The following ARFIP1 variants were observed in gnomAD, a reference collection of about 807,000 sequenced individuals.
The protein encoded by ARFIP1 is ARF interacting protein 1.
ARFIP1 carries 24 observed loss-of-function variants against 42.5 expected under a neutral mutation model. The observed-to-expected ratio is 0.57, with a 90% CI of 0.41 to 0.80. ARFIP1 has a LOEUF of 0.80. ARFIP1 is among the 30% of genes least tolerant of loss of function. The pLI is 0.00. For synonymous variants in ARFIP1, 141 were observed against 153.7 expected (o/e 0.92, Z 0.61); for missense variants, 354 against 434.0 (o/e 0.82, Z 1.64).
chr4:152,896,995 A>G (rs2149905582), intron 8 of ARFIP1, among the ~76,000 whole-genome samples: 1 of 152,350 alleles, frequency 6.6e-6, no homozygotes, highest in African/African-American at 2.4e-5. Flanking sequence ...TTTCATTTAC[A>G]GAAGAAAATA....
At chr4:152,851,202 A>G (rs886066156) in intron 2 of ARFIP1, among the ~76,000 whole-genome samples, 1 of 152,242 alleles carries the variant, frequency 6.6e-6, no homozygotes, top group Non-Finnish European at 1.5e-5. Flanking sequence ...TGATCTTAGC[A>G]TATGGTCTTC....
At chr4:152,870,676 C>T in intron 3 of ARFIP1, 77 bp from the exon 4 acceptor site, 1 of 951,186 alleles carries the variant, frequency 1.1e-6, no homozygotes, top group Non-Finnish European at 1.7e-6. Context: ...AAGGAAATAT[C>T]AGTAACCCTA....
chr4:152,892,379 T>A (rs75916311), intron 8 of ARFIP1, among the ~76,000 whole-genome samples: 5,592 of 152,300 alleles, frequency 0.037, 152 homozygotes, highest in South Asian at 0.079. Context: ...TTTTGGAATA[T>A]CTTTTCATAA....
At chr4:152,804,312 A>T (rs1259677131) in intron 1 of ARFIP1, among the ~76,000 whole-genome samples, 7 of 77,962 alleles carry the variant, frequency 9.0e-5, no homozygotes, top group Non-Finnish European at 1.6e-4. Context: ...ATATATATAT[A>T]ACATAACATG....
rs549431664 is a variant in ARFIP1, at chr4:152,861,941, G to A, written c.94-1665G>A. ...TTTAGCTGTTGAATACTTGAGATACGGTGGTATCTTATGATTAATCTTGCC... is the reference window on the plus strand; with the variant it reads ...TTTAGCTGTTGAATACTTGAGATACAGTGGTATCTTATGATTAATCTTGCC... On this transcript the variant is annotated intron_variant, in intron 2 of 8. Transcript: ENST00000353617. Among the ~76,000 whole-genome samples the A allele has an allele frequency of 1.4e-4, 22 of 152,128 alleles. No homozygotes were observed. In the East Asian group the frequency reaches 3.5e-3, roughly 24 times the overall value.
intron 3 of ARFIP1, among the ~76,000 whole-genome samples, chr4:152,866,146 A>T (rs565888297): frequency 6.6e-6 from 1 of 152,150 alleles, no homozygotes; most frequent in South Asian, 2.1e-4. Context: ...TTTAACCCTG[A>T]GTGGACACAG....
At chr4:152,825,619 A>G (rs909174433) in intron 1 of ARFIP1, among the ~76,000 whole-genome samples, 3 of 152,256 alleles carry the variant, frequency 2.0e-5, no homozygotes, top group Admixed American at 1.3e-4. Context: ...TCTTCTGGAC[A>G]TTGGCCTAGG....
chr4:152,832,944 TAGA>T (rs1468373187), intron 2 of ARFIP1, among the ~76,000 whole-genome samples: 1 of 152,182 alleles, frequency 6.6e-6, no homozygotes, highest in African/African-American at 2.4e-5. Flanking sequence ...ATAAAACTTC[TAGA>T]AGAAAACATA....
At chr4:152,880,860 C>G (rs896409428) in intron 5 of ARFIP1, 103 bp from the exon 6 acceptor site, 11 of 863,242 alleles carry the variant, frequency 1.3e-5, no homozygotes, top group Admixed American at 2.4e-5. Flanking sequence ...CAGTTTGTTA[C>G]GCTAGCTTGT....
chr4:152,804,046 T>A lies in ARFIP1; in HGVS notation c.-10+23820T>A, dbSNP rs1452537797. Among the ~76,000 whole-genome samples, 2 of 128,718 alleles carry A rather than the reference T, an allele frequency of 1.6e-5. 1 individual carries two copies. Among genetic ancestry groups the A allele is most frequent in the Non-Finnish European group, 3.1e-5 (2 of 63,790 alleles). 84.4% of individuals were successfully genotyped at this position (128,718 alleles called of 152,430 possible). A position where few individuals can be genotyped will look rare whatever the true frequency, so the allele number is the denominator to read the frequency against. ...TATATAATATAACGTAATATATATA[T>A]TATATATAATATAACATGTAATATA... On this transcript the variant is annotated intron_variant, in intron 1 of 8. Coordinates refer to ENST00000353617, the MANE Select transcript of ARFIP1 (RefSeq NM_001025595.3).
intron 2 of ARFIP1, among the ~76,000 whole-genome samples, chr4:152,834,859 A>G (rs1578896432): frequency 6.6e-6 from 1 of 152,198 alleles, no homozygotes; most frequent in African/African-American, 2.4e-5. Context: ...TCAGTCTTGC[A>G]TTCTCTGCAC....
intron 1 of ARFIP1, among the ~76,000 whole-genome samples, chr4:152,797,755 TAGG>T (rs147044687): frequency 0.014 from 2,131 of 152,358 alleles, 26 homozygotes; most frequent in African/African-American, 0.034. Context: ...TGTTTTTGTA[TAGG>T]AGAACATTTT....
intron 1 of ARFIP1, among the ~76,000 whole-genome samples, chr4:152,780,535 T>C (rs1379372720): frequency 2.0e-5 from 3 of 152,222 alleles, no homozygotes; most frequent in Admixed American, 6.5e-5. Flanking sequence ...AATCCGGACC[T>C]TTCTTGACAA....
chr4:152,781,234 CTTTTTTT>C lies in ARFIP1; in HGVS notation c.-10+1021_-10+1027del, dbSNP rs535397594. Among the ~76,000 whole-genome samples the C allele has an allele frequency of 8.9e-4, 106 of 118,922 alleles. No homozygotes were observed. In the East Asian group the frequency reaches 0.014, roughly 15 times the overall value. The allele number at this position is 118,922 out of a possible 152,430, so 78.0% of individuals were successfully genotyped here. On this transcript the variant is annotated intron_variant, in intron 1 of 8. Transcript: ENST00000353617. Reference sequence around the variant, plus strand: ...TTCAGGAATTGGCCTTTTCTTTTTTCTTTTTTTTTTTTTTTTTTTGAGACAGAGTCTC... The same window carrying C: ...TTCAGGAATTGGCCTTTTCTTTTTTCTTTTTTTTTTTTGAGACAGAGTCTC...
intron 2 of ARFIP1, among the ~76,000 whole-genome samples, chr4:152,852,466 A>G (rs138762575): frequency 0.036 from 5,480 of 152,162 alleles, 182 homozygotes; most frequent in Non-Finnish European, 0.053. Flanking sequence ...CCCTGTCTCT[A>G]CTAAAATACA....
chr4:152,790,594 A>T lies in ARFIP1; in HGVS notation c.-10+10368A>T, dbSNP rs182395495. ...CAGTTTTGTTACCTAAGAGTTGGTTATGGTGGTAGAGATAGGCATAGTTGA... is the reference window on the plus strand; with the variant it reads ...CAGTTTTGTTACCTAAGAGTTGGTTTTGGTGGTAGAGATAGGCATAGTTGA... On this transcript the variant is annotated intron_variant, in intron 1 of 8. Coordinates refer to ENST00000353617, the MANE Select transcript of ARFIP1 (RefSeq NM_001025595.3). Among the ~76,000 whole-genome samples, 10 of 152,310 alleles carry T rather than the reference A, an allele frequency of 6.6e-5. No individual in the cohort carries two copies. The East Asian group carries it at 1.7e-3, about 26-fold the overall frequency.
chr4:152,820,513 C>T (rs1254807126), intron 1 of ARFIP1, among the ~76,000 whole-genome samples: 1 of 152,188 alleles, frequency 6.6e-6, no homozygotes, highest in African/African-American at 2.4e-5. Flanking sequence ...GTTCCACAGC[C>T]TGTTCAGGAA....
At chr4:152,888,073 C>A in intron 7 of ARFIP1, 60 bp from the exon 8 acceptor site, 1 of 1,393,220 alleles carries the variant, frequency 7.2e-7, no homozygotes, top group South Asian at 1.4e-5. Context: ...ATTTCCAACC[C>A]ATTTTTTGAA....
At chr4:152,888,623 A>G (rs143805135) in intron 8 of ARFIP1, among the ~76,000 whole-genome samples, 110 of 152,272 alleles carry the variant, frequency 7.2e-4, no homozygotes, top group Admixed American at 5.8e-3. Context: ...TGCTCTGAAT[A>G]TTTTGAAGCT....
Sources: allele counts gnomAD v4.1 joint callset (sites outside exome capture counted in the v4.1 genomes callset), GRCh38; gene constraint gnomAD v4.1.1; transcripts MANE v1.5; gene names NCBI Gene and HGNC (gene_info 2026-07-23, HGNC 2026-07-21).